The following ST6GAL2 variants were observed in gnomAD, a reference collection of about 807,000 sequenced individuals.
ST6GAL2 encodes beta-galactoside alpha-2,6-sialyltransferase 2.
ST6GAL2 carries 24 observed loss-of-function variants against 37.5 expected under a neutral mutation model. That is an observed-to-expected ratio of 0.64 (90% CI 0.46 to 0.90). The LOEUF is 0.90. ST6GAL2 is among the 40% of genes least tolerant of loss of function. The pLI is 0.00. For synonymous variants in ST6GAL2, 306 were observed against 295.1 expected, an observed-to-expected ratio of 1.04 and a Z score of -0.38; for missense variants, 715 against 712.7, an observed-to-expected ratio of 1.00 and a Z score of -0.04.
At chr2:106,844,336 G>C (rs72949054) in intron 1 of ST6GAL2, among the ~76,000 whole-genome samples, 1 of 151,826 alleles carries the variant, frequency 6.6e-6, no homozygotes, top group Non-Finnish European at 1.5e-5. Context: ...TCAGGGACAC[G>C]TCTGCCTTCC....
chr2:106,869,401 C>T (rs1432643315), intron 1 of ST6GAL2, among the ~76,000 whole-genome samples: 3 of 152,174 alleles, frequency 2.0e-5, no homozygotes, highest in Non-Finnish European at 4.4e-5. Context: ...CATCTTGTTT[C>T]ATCCTTTCAT....
rs112111074 is a variant in ST6GAL2 at position 106,818,809 on chromosome 2, C to T, written c.1318+11257G>A. 3.0e-3 allele frequency among the ~76,000 whole-genome samples: 461 copies of T among 152,030 alleles called. 1 individual carries two copies. The highest frequency in any genetic ancestry group is 0.011 in the African/African-American group (441 of 41,484). The stretch of plus-strand genomic sequence containing the variant: ...CCTTTGAACAGAAAATTCAAAATAG[C>T]TGTTTTGAAGAAACTCAGTGAAATT... On this transcript the variant is annotated intron_variant, in intron 5 of 5. Transcript: ENST00000409382.
At chr2:106,865,220 T>G (rs1205185618) in intron 1 of ST6GAL2, among the ~76,000 whole-genome samples, 1 of 152,138 alleles carries the variant, frequency 6.6e-6, no homozygotes, top group Admixed American at 6.5e-5. Context: ...GGCTCATAAA[T>G]CTCCTGAAAA....
chr2:106,840,395 A>T (rs1327374992), intron 2 of ST6GAL2, among the ~76,000 whole-genome samples: 1 of 152,216 alleles, frequency 6.6e-6, no homozygotes, highest in Non-Finnish European at 1.5e-5. Flanking sequence ...GGAAGGAGCG[A>T]GGTCGGCACC....
At chr2:106,811,768 T>G (rs1230482164) in intron 5 of ST6GAL2, among the ~76,000 whole-genome samples, 1 of 152,190 alleles carries the variant, frequency 6.6e-6, no homozygotes, top group Non-Finnish European at 1.5e-5. Context: ...ATTAAGGTCC[T>G]GTGTCAGTTC....
At chr2:106,808,355 G>A (rs2104410950) in intron 5 of ST6GAL2, among the ~76,000 whole-genome samples, 1 of 152,318 alleles carries the variant, frequency 6.6e-6, no homozygotes, top group East Asian at 1.9e-4. Context: ...AGATGTCAGA[G>A]TCATGATATG....
intron 1 of ST6GAL2, among the ~76,000 whole-genome samples, chr2:106,853,048 C>T (rs1368811685): frequency 2.6e-5 from 4 of 152,202 alleles, no homozygotes; most frequent in African/African-American, 7.2e-5. Context: ...CACTAGAACA[C>T]GAAGCCAGAA....
At chr2:106,826,201 G>A (rs1023777260) in intron 5 of ST6GAL2, among the ~76,000 whole-genome samples, 1 of 152,146 alleles carries the variant, frequency 6.6e-6, no homozygotes, top group African/African-American at 2.4e-5. Flanking sequence ...AAATACCTGA[G>A]ACTGCGTAAA....
At chr2:106,840,756 T>C (rs1351879823) in intron 2 of ST6GAL2, among the ~76,000 whole-genome samples, 1 of 152,220 alleles carries the variant, frequency 6.6e-6, no homozygotes, top group African/African-American at 2.4e-5. Flanking sequence ...GTTTACAAGA[T>C]TCTGGTCAGG....
At chr2:106,839,202 C>T (rs1244217170) in intron 2 of ST6GAL2, among the ~76,000 whole-genome samples, 3 of 152,284 alleles carry the variant, frequency 2.0e-5, no homozygotes, top group South Asian at 2.1e-4. Flanking sequence ...CTGCTTCTCT[C>T]TTCTGTCCCT....
intron 1 of ST6GAL2, among the ~76,000 whole-genome samples, chr2:106,875,797 A>G (rs1678478239): frequency 6.6e-6 from 1 of 152,234 alleles, no homozygotes; most frequent in African/African-American, 2.4e-5. Context: ...CTGACCATAT[A>G]GGAAGCTTCC....
intron 5 of ST6GAL2, among the ~76,000 whole-genome samples, chr2:106,822,658 A>G (rs531870050): frequency 6.6e-6 from 1 of 152,282 alleles, no homozygotes; most frequent in East Asian, 1.9e-4. Context: ...TAAAATTTAT[A>G]TGTAATCACA....
At chr2:106,853,639 G>C (rs1677462033) in intron 1 of ST6GAL2, among the ~76,000 whole-genome samples, 1 of 152,166 alleles carries the variant, frequency 6.6e-6, no homozygotes, top group Non-Finnish European at 1.5e-5. Context: ...AGCTGGGGCT[G>C]GACAAGGGTG....
At chr2:106,862,141 T>C (rs1677825647) in intron 1 of ST6GAL2, among the ~76,000 whole-genome samples, 1 of 152,210 alleles carries the variant, frequency 6.6e-6, no homozygotes, top group Non-Finnish European at 1.5e-5. Flanking sequence ...GAGTGATCAT[T>C]CCGTATATGA....
chr2:106,858,204 T>C (rs1371543638), intron 1 of ST6GAL2, among the ~76,000 whole-genome samples: 1 of 152,214 alleles, frequency 6.6e-6, no homozygotes, highest in Admixed American at 6.5e-5. Context: ...TTACTCATGT[T>C]TTTTACTCAC....
At position 106,830,146 on chromosome 2, in the gene ST6GAL2, A is replaced by G; in HGVS notation, c.1238T>C (p.Phe413Ser). The G allele has an allele frequency of 1.2e-6, 2 of 1,613,990 alleles. No individual in the cohort carries two copies. The highest frequency in any genetic ancestry group is 4.5e-5 in the East Asian group (2 of 44,860). ...GATAATATCCCAGAGCTGCCATATAAATTTAGGATGAAGAATGTAAAATGG... is the reference window on the plus strand; with the variant it reads ...GATAATATCCCAGAGCTGCCATATAGATTTAGGATGAAGAATGTAAAATGG... ...NQPFYILHPK[F>S]IWQLWDIIQE... Residue 413 changes from phenylalanine (F) to serine (S), a missense_variant, in exon 5 of 6, where the codon TTT becomes TCT. Transcript: ENST00000409382.
chr2:106,860,375 A>C (rs1421392289), intron 1 of ST6GAL2, among the ~76,000 whole-genome samples: 1 of 152,196 alleles, frequency 6.6e-6, no homozygotes, highest in Non-Finnish European at 1.5e-5. Context: ...GAAATGCTTA[A>C]GGTGCTGTGG....
At chr2:106,809,874 C>T (rs1675545659) in intron 5 of ST6GAL2, among the ~76,000 whole-genome samples, 4 of 152,170 alleles carry the variant, frequency 2.6e-5, no homozygotes, top group African/African-American at 7.2e-5. Context: ...ATTTTCTACA[C>T]GAATCTAGTT....
At chr2:106,877,183 T>C (rs2108208) in intron 1 of ST6GAL2, among the ~76,000 whole-genome samples, 38,126 of 152,014 alleles carry the variant, frequency 0.25, 5,038 homozygotes, top group East Asian at 0.39. Flanking sequence ...GAAATCCTCT[T>C]ATGGCCTTCT....
Sources: gnomAD v4.1 joint callset for allele counts (sites outside exome capture counted in the v4.1 genomes callset) on GRCh38, gnomAD v4.1.1 for gene constraint, MANE v1.5 for transcripts, NCBI Gene and HGNC (gene_info 2026-07-23, HGNC 2026-07-21) for gene names.